The following SLC2A9 variants were observed in gnomAD, a reference collection of about 807,000 sequenced individuals.
The protein encoded by SLC2A9 is solute carrier family 2 member 9, also known as solute carrier family 2, facilitated glucose transporter member 9.
In SLC2A9, 39 loss-of-function variants were observed where a neutral mutation model predicts 50.6. The observed-to-expected ratio is 0.77, with a 90% CI of 0.60 to 1.01. SLC2A9 has a LOEUF of 1.01. Among genes scored for constraint, SLC2A9 ranks in the 50% least tolerant of loss-of-function variants. The pLI is 0.00. For synonymous variants in SLC2A9, 324 were observed against 276.9 expected, an observed-to-expected ratio of 1.17 and a Z score of -1.69; for missense variants, 686 against 677.6, an observed-to-expected ratio of 1.01 and a Z score of -0.14.
At chr4:9,778,731 C>G (rs1211296024), downstream of SLC2A9, among the ~76,000 whole-genome samples, 1 of 152,222 alleles carries the variant, frequency 6.6e-6, no homozygotes, top group Non-Finnish European at 1.5e-5. Flanking sequence ...GGTCAAGAAA[C>G]TGCACAGATA....
intron 10 of SLC2A9, among the ~76,000 whole-genome samples, chr4:9,844,148 G>GT (rs1728534258): frequency 3.7e-5 from 1 of 26,932 alleles, no homozygotes; most frequent in African/African-American, 1.5e-4. Flanking sequence ...GCCAGATTTA[G>GT]TAAAAAAAAA....
chr4:9,842,666 T>C (rs1728264137), intron 10 of SLC2A9, among the ~76,000 whole-genome samples: 1 of 152,180 alleles, frequency 6.6e-6, no homozygotes. Context: ...CATGTCTGTA[T>C]CCAATGTGTC....
chr4:9,903,462 T>A (rs1740042572), intron 8 of SLC2A9, among the ~76,000 whole-genome samples: 1 of 152,074 alleles, frequency 6.6e-6, no homozygotes, highest in Admixed American at 6.6e-5. Context: ...GGAAGTTCAC[T>A]CATCAGAGAG....
intron 3 of SLC2A9, chr4:9,782,869 C>A: frequency 1.9e-6 from 3 of 1,613,574 alleles, no homozygotes; most frequent in Admixed American, 1.7e-5. Flanking sequence ...CCTGCGCGCC[C>A]GACACCAGCC....
At chr4:9,793,377 C>A (rs1720204412) in intron 3 of SLC2A9, among the ~76,000 whole-genome samples, 1 of 152,242 alleles carries the variant, frequency 6.6e-6, no homozygotes, top group African/African-American at 2.4e-5. Flanking sequence ...TGCTGTGGCA[C>A]TGTGCACCGT....
intron 8 of SLC2A9, among the ~76,000 whole-genome samples, chr4:9,895,018 T>C (rs4697694): frequency 0.25 from 37,620 of 152,140 alleles, 4,869 homozygotes; most frequent in Non-Finnish European, 0.28. Context: ...GATTTCAGTA[T>C]TTTGAAGTTT....
intron 5 of SLC2A9, among the ~76,000 whole-genome samples, chr4:9,948,490 C>T (rs529708149): frequency 1.3e-5 from 2 of 152,316 alleles, no homozygotes; most frequent in South Asian, 2.1e-4. Context: ...ACAAGCTTGA[C>T]TTATAGCTGC....
intron 7 of SLC2A9, 137 bp downstream of exon 7, chr4:9,920,248 G>A: frequency 1.1e-6 from 1 of 871,116 alleles, no homozygotes; most frequent in Non-Finnish European, 1.8e-6. Context: ...AAGTTACATG[G>A]TTACCTAACA....
chr4:10,018,839 G>C (rs1345917929), intron 2 of SLC2A9, 136 bp downstream of exon 2: 6 of 785,304 alleles, frequency 7.6e-6, no homozygotes, highest in Non-Finnish European at 1.2e-5. Context: ...TCCCCCGAGT[G>C]GGGGCTAATC....
intron 10 of SLC2A9, among the ~76,000 whole-genome samples, chr4:9,863,231 C>T (rs115318424): frequency 0.015 from 2,238 of 152,064 alleles, 33 homozygotes; most frequent in Middle Eastern, 0.024. Context: ...ACTCTAACCT[C>T]GATCTCCTGG....
intron 10 of SLC2A9, among the ~76,000 whole-genome samples, chr4:9,863,909 C>T (rs1300990211): frequency 6.6e-6 from 1 of 152,100 alleles, no homozygotes; most frequent in Admixed American, 6.5e-5. Flanking sequence ...CTGTAAGTTT[C>T]CTCCAAAACA....
chr4:9,844,496 C>G lies in SLC2A9; in HGVS notation c.1292-9488G>C, dbSNP rs115989654. Among the ~76,000 whole-genome samples, 1,215 of 152,294 alleles carry G rather than the reference C, an allele frequency of 8.0e-3. 16 individuals are homozygous for G. Among genetic ancestry groups the G allele is most frequent in the African/African-American group, 0.028 (1,153 of 41,564 alleles). On this transcript the variant is annotated intron_variant, in intron 10 of 11. Transcript: ENST00000264784. ...AAATGTTCATAAGCAAAGAAATATT[C>G]TTCCCCCTCATTGGTAAATTCCTAA...
intron 10 of SLC2A9, among the ~76,000 whole-genome samples, chr4:9,849,865 T>C (rs1436641254): frequency 6.6e-6 from 1 of 152,094 alleles, no homozygotes; most frequent in Non-Finnish European, 1.5e-5. Context: ...GCAGTCTTGC[T>C]GGTAGGTTCT....
At chr4:9,955,867 ATTTTTTTTT>A (rs1170286158) in intron 5 of SLC2A9, among the ~76,000 whole-genome samples, 13 of 61,688 alleles carry the variant, frequency 2.1e-4, no homozygotes, top group Non-Finnish European at 2.7e-4. Flanking sequence ...AAGCATCTGG[ATTTTTTTTT>A]TTTTTTTTTT....
At chr4:9,902,118 G>A (rs1178657994) in intron 8 of SLC2A9, among the ~76,000 whole-genome samples, 3 of 151,772 alleles carry the variant, frequency 2.0e-5, no homozygotes, top group Non-Finnish European at 4.4e-5. Context: ...CCAGACAGCT[G>A]GGCTCACCTG....
In SLC2A9 at chr4:9,978,326, T is replaced by C. The variant is rs114535627; in HGVS notation, c.681+2266A>G. 9.4e-3 allele frequency among the ~76,000 whole-genome samples: 1,436 copies of C among 152,246 alleles called. 26 individuals are homozygous for C. Among genetic ancestry groups the C allele is most frequent in the African/African-American group, 0.033 (1,385 of 41,528 alleles). On this transcript the variant is annotated intron_variant, in intron 5 of 11. Coordinates refer to ENST00000264784, the MANE Select transcript of SLC2A9 (RefSeq NM_020041.3). The stretch of plus-strand genomic sequence containing the variant: ...AATAAATAAAGGGTGAAGACAGAGG[T>C]TGAAGACAGACCTTACGGACTCAAG...
intron 6 of SLC2A9, among the ~76,000 whole-genome samples, chr4:9,927,779 C>A (rs1745168200): frequency 6.6e-6 from 1 of 152,072 alleles, no homozygotes; most frequent in Non-Finnish European, 1.5e-5. Flanking sequence ...ATGGACCGAA[C>A]CTGGAGCCTT....
chr4:9,975,331 C>A (rs530193130), intron 5 of SLC2A9, among the ~76,000 whole-genome samples: 1 of 151,988 alleles, frequency 6.6e-6, no homozygotes, highest in East Asian at 1.9e-4. Context: ...TGGAATGGGA[C>A]AAAATAATTG....
chr4:9,866,079 G>A (rs1732416004), intron 10 of SLC2A9, among the ~76,000 whole-genome samples: 1 of 152,186 alleles, frequency 6.6e-6, no homozygotes, highest in Non-Finnish European at 1.5e-5. Context: ...ATGGGGGAAA[G>A]GGCCCCAGTC....
Sources: allele counts gnomAD v4.1 joint callset (sites outside exome capture counted in the v4.1 genomes callset), GRCh38; gene constraint gnomAD v4.1.1; transcripts MANE v1.5; gene names NCBI Gene and HGNC (gene_info 2026-07-23, HGNC 2026-07-21).